The following ANK2 variants were observed in gnomAD, a reference collection of about 807,000 sequenced individuals.
The protein encoded by ANK2 is ankyrin-2.
ANK2 carries 83 observed loss-of-function variants against 360.5 expected under a neutral mutation model. That is an observed-to-expected ratio of 0.23 (90% CI 0.19 to 0.28). ANK2 has a LOEUF of 0.28. Ranked by LOEUF, ANK2 falls within the 10% of genes least tolerant of loss-of-function variation. The probability of loss-of-function intolerance (pLI) is 1.00; values close to 1 mark genes in which losing one functional copy is unlikely to be tolerated. For missense variants in ANK2, 4,201 were observed against 4,795.7 expected, an observed-to-expected ratio of 0.88 and a Z score of 3.66; for synonymous variants, 1,740 against 1,759.5, an observed-to-expected ratio of 0.99 and a Z score of 0.28.
the ANK2 span, among the ~76,000 whole-genome samples, chr4:112,792,748 C>G: frequency 6.6e-6 from 1 of 152,132 alleles, no homozygotes; most frequent in African/African-American, 2.4e-5. Context: ...TTTCCATCTT[C>G]CCTGCTTAGT....
intron 1 of ANK2, among the ~76,000 whole-genome samples, chr4:113,154,024 A>C (rs1171887519): frequency 6.6e-6 from 1 of 152,210 alleles, no homozygotes; most frequent in Non-Finnish European, 1.5e-5. Context: ...CATTTTATTA[A>C]GCTTCTTCTT....
At chr4:112,721,352 C>A in the ANK2 span, among the ~76,000 whole-genome samples, 8 of 152,014 alleles carry the variant, frequency 5.3e-5, no homozygotes, top group African/African-American at 1.9e-4. Context: ...CCAGCCTAGC[C>A]AACATAGTGA....
rs1014629006 is a variant in ANK2 at position 113,382,646 on chromosome 4, CTTTTT to C, written c.*1179_*1183del. 1 of 144,704 alleles carries C rather than the reference CTTTTT, an allele frequency of 6.9e-6. No homozygotes were observed. The highest frequency in any genetic ancestry group is 2.5e-5 in the African/African-American group (1 of 39,546). 9.0% of individuals were successfully genotyped at this position (144,704 alleles called of 1,614,324 possible). On this transcript the variant is annotated 3_prime_UTR_variant, in exon 46 of 46. Coordinates refer to ENST00000357077, the MANE Select transcript of ANK2 (RefSeq NM_001148.6). The stretch of plus-strand genomic sequence containing the variant: ...GGTTTCTTTTTTTTTTTCTTTCTTT[CTTTTT>C]TTTCTTCAGGTTTATATCTTCTCTA...
the ANK2 span, among the ~76,000 whole-genome samples, chr4:112,762,805 C>G: frequency 2.0e-5 from 3 of 152,178 alleles, no homozygotes; most frequent in Non-Finnish European, 4.4e-5. Flanking sequence ...CCACTGCGCC[C>G]GGCTTCGAAA....
chr4:112,713,894 A>G, the ANK2 span, among the ~76,000 whole-genome samples: 2 of 149,808 alleles, frequency 1.3e-5, no homozygotes, highest in South Asian at 2.1e-4. Context: ...AGATCTCGCC[A>G]CTGCACTCCA....
At chr4:113,306,998 G>T (rs3025705) in intron 23 of ANK2, among the ~76,000 whole-genome samples, 1 of 152,094 alleles carries the variant, frequency 6.6e-6, no homozygotes, top group Non-Finnish European at 1.5e-5. Flanking sequence ...CCCTGTCTTC[G>T]CTGACTTGGC....
the ANK2 span, among the ~76,000 whole-genome samples, chr4:112,812,116 A>C: frequency 6.6e-6 from 1 of 151,912 alleles, no homozygotes; most frequent in East Asian, 1.9e-4. Flanking sequence ...TGTTACGCCA[A>C]AACAGAGTTC....
intron 2 of ANK2, among the ~76,000 whole-genome samples, chr4:113,024,469 T>C (rs2058824039): frequency 6.6e-6 from 1 of 152,166 alleles, no homozygotes; most frequent in South Asian, 2.1e-4. Flanking sequence ...TCTACAAAAA[T>C]AAACACATGA....
At chr4:113,127,851 C>G (rs2154375662) in intron 1 of ANK2, among the ~76,000 whole-genome samples, 1 of 151,956 alleles carries the variant, frequency 6.6e-6, no homozygotes, top group South Asian at 2.1e-4. Context: ...ATGAACAGGG[C>G]TTGGATTGGA....
chr4:113,346,530 A>G (rs555300195), intron 35 of ANK2, among the ~76,000 whole-genome samples: 1 of 152,268 alleles, frequency 6.6e-6, no homozygotes, highest in African/African-American at 2.4e-5. Flanking sequence ...GTAATTAACT[A>G]TTAATCTTCG....
At chr4:112,706,285 C>T in the ANK2 span, among the ~76,000 whole-genome samples, 1 of 152,120 alleles carries the variant, frequency 6.6e-6, no homozygotes, top group Non-Finnish European at 1.5e-5. Flanking sequence ...GGGCGGGGAC[C>T]TCAACCCCAA....
intron 1 of ANK2, among the ~76,000 whole-genome samples, chr4:113,133,445 C>T (rs1457404423): frequency 6.6e-6 from 1 of 152,076 alleles, no homozygotes; most frequent in Non-Finnish European, 1.5e-5. Flanking sequence ...GAATATTTTG[C>T]TTGAAAAAGA....
At chr4:113,222,054 A>G (rs933239651) in intron 4 of ANK2, among the ~76,000 whole-genome samples, 3 of 152,364 alleles carry the variant, frequency 2.0e-5, no homozygotes, top group East Asian at 1.9e-4. Flanking sequence ...AACTTCAGGC[A>G]TGCTTCTTAA....
chr4:113,117,486 G>A (rs576649776), intron 1 of ANK2: 20 of 443,356 alleles, frequency 4.5e-5, no homozygotes, highest in African/African-American at 2.6e-4. Context: ...CTCAGAACTG[G>A]CAACTTCATC....
chr4:113,372,662 C>A, intron 43 of ANK2: 11 of 1,364,954 alleles, frequency 8.1e-6, no homozygotes, highest in African/African-American at 1.4e-5. Context: ...CAGGGACAGT[C>A]CTGTCCCCAT....
chr4:113,357,147 C>T lies in ANK2; in HGVS notation c.8529C>T (p.Ser2843=). Residue 2843 remains serine (S), a synonymous_variant, in exon 38 of 46, where the codon AGC becomes AGT. Coordinates refer to ENST00000357077, the MANE Select transcript of ANK2 (RefSeq NM_001148.6). The part of the protein sequence containing the change: ...ESPQADCPSE[S]FSSSSSLPHC... ...CACAAGCAGATTGCCCCAGTGAAAG[C>T]TTTTCATCTTCATCCTCTTTGCCTC... 1 of 1,614,128 alleles carries T rather than the reference C, an allele frequency of 6.2e-7. No homozygotes were observed. Among genetic ancestry groups the T allele is most frequent in the East Asian group, 2.2e-5 (1 of 44,880 alleles).
At chr4:112,951,902 C>A (rs904848398) in intron 2 of ANK2, among the ~76,000 whole-genome samples, 2 of 152,178 alleles carry the variant, frequency 1.3e-5, no homozygotes, top group African/African-American at 4.8e-5. Flanking sequence ...TGTAGCAAAC[C>A]TGTGGCTGCA....
At chr4:112,902,423 T>C (rs1234002779) in intron 1 of ANK2, among the ~76,000 whole-genome samples, 1 of 152,276 alleles carries the variant, frequency 6.6e-6, no homozygotes, top group East Asian at 1.9e-4. Context: ...TTCACTAATA[T>C]AAGAGCTGGA....
intron 1 of ANK2, among the ~76,000 whole-genome samples, chr4:113,154,493 A>G (rs952805612): frequency 1.3e-5 from 2 of 152,234 alleles, no homozygotes; most frequent in African/African-American, 4.8e-5. Flanking sequence ...GCTGAATCCC[A>G]CACTCCTGCT....
Sources: gnomAD v4.1 joint callset for allele counts (sites outside exome capture counted in the v4.1 genomes callset) on GRCh38, gnomAD v4.1.1 for gene constraint, MANE v1.5 for transcripts, NCBI Gene and HGNC (gene_info 2026-07-23, HGNC 2026-07-21) for gene names.